ABHD2: variants seen among roughly 807,000 people sequenced by gnomAD.
ABHD2 encodes monoacylglycerol lipase ABHD2.
ABHD2 carries 20 observed loss-of-function variants against 48.1 expected under a neutral mutation model. The observed-to-expected ratio is 0.42, with a 90% CI of 0.29 to 0.60. The LOEUF (loss-of-function observed/expected upper bound fraction) is 0.60. Among genes scored for constraint, ABHD2 ranks in the 20% least tolerant of loss-of-function variants. The pLI is 0.24. For synonymous variants in ABHD2, 209 were observed against 214.2 expected (o/e 0.98, Z 0.21); for missense variants, 405 against 550.9 (o/e 0.74, Z 2.65).
chr15:89,119,507 G>A (rs567613177), intron 3 of ABHD2, among the ~76,000 whole-genome samples: 1 of 152,246 alleles, frequency 6.6e-6, no homozygotes, highest in Admixed American at 6.5e-5. Context: ...TTTCATAGAC[G>A]TTATGCCATT....
the ABHD2 span, among the ~76,000 whole-genome samples, chr15:89,068,675 C>A: frequency 1.1e-4 from 16 of 150,582 alleles, no homozygotes; most frequent in Non-Finnish European, 2.4e-4. Context: ...TCACAGAGCA[C>A]CATATGGCAT....
In ABHD2 at chr15:89,146,354, ACG is replaced by A. The variant is rs1491532599; in HGVS notation, c.195-5322_195-5321del. ...GTGAGCTTCATCTGCTCAAAGACGT[ACG>A]TGTGTGTGTGTGTGTGTGTGTGTGT... On this transcript the variant is annotated intron_variant, in intron 3 of 10. Coordinates refer to ENST00000352732, the MANE Select transcript of ABHD2 (RefSeq NM_152924.5). This position sits in a 1 kb window ranked among gnomAD's most constrained non-coding sequence, Gnocchi z 4.2. 4.7e-5 allele frequency among the ~76,000 whole-genome samples: 4 copies of A among 84,444 alleles called. No individual in the cohort carries two copies. Among genetic ancestry groups the A allele is most frequent in the South Asian group, 4.9e-4 (1 of 2,042 alleles). 55.4% of individuals were successfully genotyped at this position (84,444 alleles called of 152,430 possible).
chr15:89,128,691 T>C (rs1426891498), intron 3 of ABHD2, among the ~76,000 whole-genome samples: 1 of 152,182 alleles, frequency 6.6e-6, no homozygotes, highest in Non-Finnish European at 1.5e-5. Context: ...TGGTCTGGTC[T>C]CTATAGTTGC....
intron 9 of ABHD2, among the ~76,000 whole-genome samples, chr15:89,191,878 C>A (rs924900373): frequency 6.6e-6 from 1 of 152,118 alleles, no homozygotes; most frequent in South Asian, 2.1e-4. Flanking sequence ...CTGCCTGCCT[C>A]AGCCTCCCAA....
chr15:89,143,929 T>C (rs890119970), intron 3 of ABHD2, among the ~76,000 whole-genome samples: 1 of 152,018 alleles, frequency 6.6e-6, no homozygotes, highest in Non-Finnish European at 1.5e-5. Flanking sequence ...ATGTTCCTGA[T>C]TGGGAATATA....
the ABHD2 span, among the ~76,000 whole-genome samples, chr15:89,078,826 A>G: frequency 3.4e-4 from 52 of 151,350 alleles, 3 homozygotes; most frequent in East Asian, 8.9e-3. Context: ...TGCCTCCCAG[A>G]TTCAAGCAAT....
rs729707 is a variant in ABHD2 at position 89,199,812 on chromosome 15, C to T, written c.*4389C>T. On this transcript the variant is annotated 3_prime_UTR_variant, in exon 11 of 11. Transcript: ENST00000352732. The surrounding 1 kb of genome is among the most constrained non-coding windows in gnomAD (Gnocchi z 4.1). Reference sequence around the variant, plus strand: ...GTTATCTAAGCAGAGGGAAGTAAACCTCTCACCGCCCCCCACCCCTCACTG... The same window carrying T: ...GTTATCTAAGCAGAGGGAAGTAAACTTCTCACCGCCCCCCACCCCTCACTG... 54,840 of 150,928 alleles carry T rather than the reference C, an allele frequency of 0.36. 10,741 individuals are homozygous for T. Among genetic ancestry groups the T allele is most frequent in the East Asian group, 0.66 (3,311 of 5,030 alleles). 9.3% of individuals were successfully genotyped at this position (150,928 alleles called of 1,614,324 possible). A position where few individuals can be genotyped will look rare whatever the true frequency, so the allele number is the denominator to read the frequency against.
rs1422017422 is a variant in ABHD2, at chr15:89,166,961, T to C, written c.539-8851T>C. On this transcript the variant is annotated intron_variant, in intron 5 of 10. Coordinates refer to ENST00000352732, the MANE Select transcript of ABHD2 (RefSeq NM_152924.5). The surrounding 1 kb of genome is among the most constrained non-coding windows in gnomAD (Gnocchi z 4.6). ...ATTCCAATTGAGACACTTTTGAGAG[T>C]AAAAAGGGACTTTATTAATAACGTT... Among the ~76,000 whole-genome samples, 1 of 151,994 alleles carries C rather than the reference T, an allele frequency of 6.6e-6. No individual in the cohort carries two copies. The highest frequency in any genetic ancestry group is 1.9e-4 in the East Asian group (1 of 5,174).
At chr15:89,193,439 GCAGT>G in intron 10 of ABHD2, 120 bp downstream of exon 10, 5 of 794,892 alleles carry the variant, frequency 6.3e-6, no homozygotes, top group Non-Finnish European at 1.1e-5. Flanking sequence ...ACATCTCATA[GCAGT>G]CAGTGTTCTT....
At chr15:89,113,856 C>G (rs1242267256) in intron 2 of ABHD2, 32 bp downstream of exon 2, 1 of 152,094 alleles carries the variant, frequency 6.6e-6, no homozygotes, top group East Asian at 1.9e-4. Flanking sequence ...ATTTTTGTTT[C>G]TCCTCCCCTT....
intron 1 of ABHD2, among the ~76,000 whole-genome samples, chr15:89,109,669 T>A (rs569256219): frequency 6.6e-6 from 1 of 152,170 alleles, no homozygotes; most frequent in East Asian, 1.9e-4. Flanking sequence ...AATATTAATA[T>A]ATAGTGACAA....
At chr15:89,095,063 CAAAA>C (rs72090062) in intron 1 of ABHD2, among the ~76,000 whole-genome samples, 6 of 53,792 alleles carry the variant, frequency 1.1e-4, no homozygotes, top group Admixed American at 3.8e-4. Flanking sequence ...GACTGTGTCT[CAAAA>C]AAAAAAAAAA....
At position 89,195,091 on chromosome 15, in the gene ABHD2, G is replaced by A. The variant is rs1417700844; in HGVS notation, c.1082-136G>A. ...TGCCCCCTCTTTGGTGAACAAGGCA[G>A]AGTGAGTAGAGGTTGGATGCCCACT... On this transcript the variant is annotated intron_variant, in intron 10 of 10. Transcript: ENST00000352732. The surrounding 1 kb of genome is among the most constrained non-coding windows in gnomAD (Gnocchi z 5.1). 24 of 909,536 alleles carry A rather than the reference G, an allele frequency of 2.6e-5. No individual in the cohort carries two copies. The highest frequency in any genetic ancestry group is 3.6e-5 in the Non-Finnish European group (22 of 602,798). The allele number at this position is 909,536 out of a possible 1,614,324, so 56.3% of individuals were successfully genotyped here.
the ABHD2 span, among the ~76,000 whole-genome samples, chr15:89,058,715 C>T: frequency 2.6e-5 from 4 of 152,136 alleles, no homozygotes; most frequent in Non-Finnish European, 5.9e-5. Flanking sequence ...TGCTGTGGAG[C>T]CCCCTCATGT....
At chr15:89,150,538 C>T (rs1170894719) in intron 3 of ABHD2, among the ~76,000 whole-genome samples, 1 of 152,162 alleles carries the variant, frequency 6.6e-6, no homozygotes, top group Non-Finnish European at 1.5e-5. Flanking sequence ...CTCCTCCCCT[C>T]CCCCGAAAAG....
At chr15:89,119,605 C>G (rs892018654) in intron 3 of ABHD2, among the ~76,000 whole-genome samples, 1 of 152,156 alleles carries the variant, frequency 6.6e-6, no homozygotes, top group Non-Finnish European at 1.5e-5. Context: ...AAACTGAACT[C>G]AAACTGGAGT....
intron 3 of ABHD2, among the ~76,000 whole-genome samples, chr15:89,133,947 C>T: frequency 6.6e-6 from 1 of 151,384 alleles, no homozygotes; most frequent in Non-Finnish European, 1.5e-5. Context: ...CACCATTCTC[C>T]TGCCTCAGCC....
chr15:89,183,384 A>AAAAAAATAT lies in ABHD2; in HGVS notation c.723-2039_723-2038insAAAAATATA, dbSNP rs61602174. The stretch of plus-strand genomic sequence containing the variant: ...AGTCCTTTTCAAAAAAAAAAAAAAA[A>AAAAAAATAT]ATATATATATATATATATATATATA... On this transcript the variant is annotated intron_variant, in intron 6 of 10. Coordinates refer to ENST00000352732, the MANE Select transcript of ABHD2 (RefSeq NM_152924.5). The AAAAAAATAT allele has an allele frequency of 9.3e-4, 43 of 46,278 alleles. 1 individual carries two copies. Among genetic ancestry groups the AAAAAAATAT allele is most frequent in the South Asian group, 2.7e-3 (3 of 1,096 alleles). The allele number at this position is 46,278 out of a possible 1,614,324, so 2.9% of individuals were successfully genotyped here. A position where few individuals can be genotyped will look rare whatever the true frequency, so the allele number is the denominator to read the frequency against.
In ABHD2 at chr15:89,167,621, A is replaced by G. The variant is rs893385983; in HGVS notation, c.539-8191A>G. Among the ~76,000 whole-genome samples, 1 of 152,228 alleles carries G rather than the reference A, an allele frequency of 6.6e-6. No homozygotes were observed. Among genetic ancestry groups the G allele is most frequent in the Admixed American group, 6.5e-5 (1 of 15,282 alleles). On this transcript the variant is annotated intron_variant, in intron 5 of 10. Transcript: ENST00000352732. This position sits in a 1 kb window ranked among gnomAD's most constrained non-coding sequence, Gnocchi z 5.5. ...TATACCTGGGGAAACAAGGCTGAAA[A>G]CACTCATTTTTTAAAATCCTTATTT... is the stretch of plus-strand genomic sequence containing the variant.
Sources: gnomAD v4.1 joint callset for allele counts (sites outside exome capture counted in the v4.1 genomes callset) on GRCh38, gnomAD v4.1.1 for gene constraint, Gnocchi (gnomAD v3.1) non-coding constraint, MANE v1.5 for transcripts, NCBI Gene and HGNC (gene_info 2026-07-23, HGNC 2026-07-21) for gene names.